The following PAM variants were observed in gnomAD, a reference collection of about 807,000 sequenced individuals.
PAM encodes peptidylglycine alpha-amidating monooxygenase, also known as peptidyl-glycine alpha-amidating monooxygenase.
PAM carries 72 observed loss-of-function variants against 122.1 expected under a neutral mutation model. The ratio of observed to expected loss-of-function variants is 0.59; its 90% CI spans 0.49 to 0.72. The LOEUF (loss-of-function observed/expected upper bound fraction) is 0.72. Among genes scored for constraint, PAM ranks in the 30% least tolerant of loss-of-function variants. The pLI, the probability that PAM is intolerant of heterozygous loss-of-function variation, is 0.00. For missense variants in PAM, 1,106 were observed against 1,183.7 expected, an observed-to-expected ratio of 0.93 and a Z score of 0.96; for synonymous variants, 389 against 404.4, an observed-to-expected ratio of 0.96 and a Z score of 0.46.
chr5:102,784,185 G>A lies in PAM; in HGVS notation c.-374+28837G>A, dbSNP rs568121035. On this transcript the variant is annotated intron_variant, in intron 1 of 25. Coordinates refer to ENST00000438793, the MANE Select transcript of PAM (RefSeq NM_001177306.2). Reference sequence around the variant, plus strand: ...TGGGATTACAGGCGTGAGCCACCGCGCCCGGCTGATCTACCCCCATCTTTC... The same window carrying A: ...TGGGATTACAGGCGTGAGCCACCGCACCCGGCTGATCTACCCCCATCTTTC... Among the ~76,000 whole-genome samples the A allele has an allele frequency of 2.0e-5, 3 of 151,416 alleles. No homozygotes were observed. The East Asian group carries it at 5.9e-4, about 30-fold the overall frequency.
At chr5:102,910,847 A>G (rs1020494906) in intron 4 of PAM, among the ~76,000 whole-genome samples, 6 of 151,892 alleles carry the variant, frequency 4.0e-5, no homozygotes, top group African/African-American at 1.4e-4. Context: ...TGTTATTCTA[A>G]AGTATTTTTC....
intron 23 of PAM, among the ~76,000 whole-genome samples, 168 bp from the exon 24 acceptor site, chr5:103,024,963 A>G (rs908119418): frequency 3.3e-5 from 5 of 152,170 alleles, no homozygotes; most frequent in Admixed American, 6.5e-5. Flanking sequence ...ACTAATCACA[A>G]TGCCTGCTGC....
At chr5:102,910,974 A>G (rs1423135) in intron 4 of PAM, among the ~76,000 whole-genome samples, 2,197 of 152,042 alleles carry the variant, frequency 0.014, 46 homozygotes, top group African/African-American at 0.051. Flanking sequence ...AGGCATAATC[A>G]GCAGGAATGG....
intron 3 of PAM, among the ~76,000 whole-genome samples, chr5:102,895,689 A>G (rs183962731): frequency 4.0e-5 from 6 of 151,870 alleles, no homozygotes; most frequent in Non-Finnish European, 1.5e-5. Context: ...ATTCAAGTCT[A>G]GAGCTTCTCT....
intron 1 of PAM, among the ~76,000 whole-genome samples, chr5:102,850,666 A>G (rs573246218): frequency 1.3e-4 from 20 of 152,278 alleles, no homozygotes; most frequent in African/African-American, 4.6e-4. Flanking sequence ...GCTAAAGGAG[A>G]TCACATGGCC....
At chr5:102,900,492 T>G (rs1410138107) in intron 3 of PAM, among the ~76,000 whole-genome samples, 2 of 151,542 alleles carry the variant, frequency 1.3e-5, no homozygotes. Context: ...AGTAGAAACA[T>G]AGGTACAAAA....
chr5:102,993,700 C>G (rs1474982269), intron 16 of PAM, among the ~76,000 whole-genome samples: 2 of 152,078 alleles, frequency 1.3e-5, no homozygotes, highest in Non-Finnish European at 2.9e-5. Flanking sequence ...ATCTGTTTTA[C>G]AGCTCATTTT....
At chr5:102,849,096 CAAT>C (rs1202335831) in intron 1 of PAM, among the ~76,000 whole-genome samples, 1 of 152,026 alleles carries the variant, frequency 6.6e-6, no homozygotes, top group Non-Finnish European at 1.5e-5. Flanking sequence ...GAATTCTAAA[CAAT>C]AGGACTATAA....
At chr5:102,954,088 GTTTGA>G (rs1279913467) in intron 12 of PAM, among the ~76,000 whole-genome samples, 8 of 152,146 alleles carry the variant, frequency 5.3e-5, no homozygotes, top group Non-Finnish European at 8.8e-5. Flanking sequence ...GGATTTGTTA[GTTTGA>G]TTTAATAGTA....
intron 15 of PAM, among the ~76,000 whole-genome samples, chr5:102,986,769 C>T (rs1183868852): frequency 1.3e-5 from 2 of 152,014 alleles, no homozygotes; most frequent in African/African-American, 4.8e-5. Flanking sequence ...GGTCAGTTTC[C>T]CCCATACTGT....
chr5:102,978,187 C>CT (rs1554150127), intron 15 of PAM, among the ~76,000 whole-genome samples: 1 of 152,018 alleles, frequency 6.6e-6, no homozygotes, highest in South Asian at 2.1e-4. Flanking sequence ...ATTTGGCACT[C>CT]TAAGTTGATA....
chr5:102,944,147 C>T (rs966168737), intron 7 of PAM, among the ~76,000 whole-genome samples: 1 of 152,114 alleles, frequency 6.6e-6, no homozygotes. Context: ...ATGCATATGA[C>T]ATTATAATGG....
In PAM at chr5:103,029,696, T is replaced by A. The variant is rs552749913; in HGVS notation, c.*631T>A. On this transcript the variant is annotated 3_prime_UTR_variant, in exon 26 of 26. Coordinates refer to ENST00000438793, the MANE Select transcript of PAM (RefSeq NM_001177306.2). ...CAGAATCTGAATGTAATTTGTGTAA[T>A]AAAGTGTTTTCAGAGCATTAGCTGT... The A allele has an allele frequency of 3.4e-5, 5 of 146,028 alleles. No homozygotes were observed. In the East Asian group the frequency reaches 9.9e-4, roughly 29 times the overall value. 9.0% of individuals were successfully genotyped at this position (146,028 alleles called of 1,614,324 possible).
intron 1 of PAM, among the ~76,000 whole-genome samples, chr5:102,794,955 T>C (rs1762976510): frequency 6.6e-6 from 1 of 151,914 alleles, no homozygotes; most frequent in African/African-American, 2.4e-5. Flanking sequence ...TCTGGCAGGC[T>C]GAGGCTCGCA....
intron 1 of PAM, among the ~76,000 whole-genome samples, chr5:102,763,258 C>A (rs568383727): frequency 6.6e-6 from 1 of 152,258 alleles, no homozygotes; most frequent in South Asian, 2.1e-4. Context: ...TCACTAATAT[C>A]TTTGCCTCCA....
intron 1 of PAM, among the ~76,000 whole-genome samples, chr5:102,826,744 T>C (rs1036052789): frequency 6.6e-6 from 1 of 152,180 alleles, no homozygotes; most frequent in Non-Finnish European, 1.5e-5. Flanking sequence ...TCTTACAGTG[T>C]AACTGCCACT....
At position 103,028,238 on chromosome 5, in the gene PAM, G is replaced by C. The variant is rs768911406; in HGVS notation, c.2743G>C (p.Gly915Arg). 9 of 1,604,498 alleles carry C rather than the reference G, an allele frequency of 5.6e-6. No individual in the cohort carries two copies. The highest frequency in any genetic ancestry group is 7.7e-6 in the Non-Finnish European group (9 of 1,171,448). The stretch of plus-strand genomic sequence containing the variant: ...AGGAAGAGTACTGGGAAGATTTAGA[G>C]GTATGCCTATGACCTTTTAGAACCC... ...SSGRVLGRFR[G>R]KGSGGLNLGN... is the part of the protein sequence containing the mutation. Residue 915 changes from glycine (G) to arginine (R), a missense_variant and splice_region_variant, in exon 25 of 26, where the codon GGA (glycine) becomes CGA (arginine). By Grantham distance (125) the Gly-to-Arg change is moderately radical. Around this residue, in one of 3 missense-constraint regions of PAM, gnomAD observed 333 missense variants for 335.6 expected, o/e 0.99. Transcript: ENST00000438793.
intron 1 of PAM, among the ~76,000 whole-genome samples, chr5:102,767,374 A>G (rs1754427998): frequency 6.6e-6 from 1 of 152,164 alleles, no homozygotes. Flanking sequence ...TCAGATGAGC[A>G]TGCTTTAATC....
At chr5:102,785,492 G>A (rs1760269977) in intron 1 of PAM, among the ~76,000 whole-genome samples, 1 of 152,176 alleles carries the variant, frequency 6.6e-6, no homozygotes, top group Non-Finnish European at 1.5e-5. Context: ...AGTATCATGT[G>A]GAGGTAAGAA....
Sources: gnomAD v4.1 joint callset for allele counts (sites outside exome capture counted in the v4.1 genomes callset) on GRCh38, gnomAD v4.1.1 for gene constraint, gnomAD v4.1.1 regional missense constraint, MANE v1.5 for transcripts, NCBI Gene and HGNC (gene_info 2026-07-23, HGNC 2026-07-21) for gene names.